PDGFD: variants seen among roughly 807,000 people sequenced by gnomAD.
The protein encoded by PDGFD is platelet-derived growth factor D.
A neutral mutation model predicts 44.7 loss-of-function variants in PDGFD; 30 were observed. The ratio of observed to expected loss-of-function variants is 0.67; its 90% CI spans 0.50 to 0.91. PDGFD has a LOEUF of 0.91. Ranked by LOEUF, PDGFD falls within the 40% of genes least tolerant of loss-of-function variation. The pLI is 0.00. For synonymous variants in PDGFD, 173 were observed against 168.4 expected, an observed-to-expected ratio of 1.03 and a Z score of -0.21; for missense variants, 445 against 457.8, an observed-to-expected ratio of 0.97 and a Z score of 0.25.
At chr11:104,025,662 T>C (rs1341396025) in intron 1 of PDGFD, among the ~76,000 whole-genome samples, 3 of 151,996 alleles carry the variant, frequency 2.0e-5, no homozygotes, top group South Asian at 4.2e-4. Context: ...CCTAAGCAAA[T>C]CTCCCAAGGG....
intron 1 of PDGFD, among the ~76,000 whole-genome samples, chr11:104,030,314 A>T (rs570813558): frequency 6.6e-6 from 1 of 152,360 alleles, no homozygotes; most frequent in South Asian, 2.1e-4. Context: ...CCTGACGCAG[A>T]CAACATCCAC....
At chr11:104,153,620 CAAA>C (rs1262995793) in intron 1 of PDGFD, among the ~76,000 whole-genome samples, 1 of 151,856 alleles carries the variant, frequency 6.6e-6, no homozygotes, top group Non-Finnish European at 1.5e-5. Context: ...TCTGGAAGAA[CAAA>C]AACAAAAAGG....
intron 1 of PDGFD, among the ~76,000 whole-genome samples, chr11:104,042,620 C>G (rs1238683864): frequency 6.6e-6 from 1 of 152,202 alleles, no homozygotes; most frequent in South Asian, 2.1e-4. Context: ...TGTTAAAGTC[C>G]CTAGGAGGCA....
chr11:103,916,433 A>C (rs146146245), intron 6 of PDGFD, among the ~76,000 whole-genome samples: 5 of 152,334 alleles, frequency 3.3e-5, no homozygotes, highest in Admixed American at 1.3e-4. Flanking sequence ...AAAAGTCAGG[A>C]AACAACAAAT....
At chr11:104,037,976 C>T in intron 1 of PDGFD, 1 of 1,614,000 alleles carries the variant, frequency 6.2e-7, no homozygotes, top group South Asian at 1.1e-5. Flanking sequence ...AAGGAAATTA[C>T]ACATTCAGTC....
chr11:104,024,390 T>C (rs1860009899), intron 1 of PDGFD, among the ~76,000 whole-genome samples: 1 of 152,190 alleles, frequency 6.6e-6, no homozygotes, highest in South Asian at 2.1e-4. Context: ...GTGAGTTGAC[T>C]GAACTGCATA....
intron 1 of PDGFD, among the ~76,000 whole-genome samples, chr11:104,020,613 T>A (rs1187258775): frequency 6.6e-6 from 1 of 152,148 alleles, no homozygotes; most frequent in Non-Finnish European, 1.5e-5. Context: ...ACTTTTCTAT[T>A]TAAGGCAATG....
At chr11:104,127,541 A>G (rs1031895807) in intron 1 of PDGFD, among the ~76,000 whole-genome samples, 37 of 152,172 alleles carry the variant, frequency 2.4e-4, no homozygotes, top group African/African-American at 8.2e-4. Flanking sequence ...TAAACTATCT[A>G]TGCAGAGGTA....
chr11:104,071,991 A>G (rs1860884921), intron 1 of PDGFD, among the ~76,000 whole-genome samples: 1 of 151,766 alleles, frequency 6.6e-6, no homozygotes, highest in Admixed American at 6.6e-5. Context: ...GAGGCTTTAT[A>G]ATATATTTTA....
At chr11:104,051,035 T>C (rs1860526739) in intron 1 of PDGFD, among the ~76,000 whole-genome samples, 1 of 152,030 alleles carries the variant, frequency 6.6e-6, no homozygotes, top group African/African-American at 2.4e-5. Flanking sequence ...GAGGTACTAA[T>C]GAGCAGCAAA....
chr11:104,034,972 T>C (rs1860199214), intron 1 of PDGFD, among the ~76,000 whole-genome samples: 1 of 151,928 alleles, frequency 6.6e-6, no homozygotes, highest in Non-Finnish European at 1.5e-5. Context: ...TAGAGAAAAA[T>C]AACTGGCATG....
Position 103,909,419 on chromosome 11 carries a change from C to T in PDGFD, c.*275G>A, listed in dbSNP as rs993773001. ...AAAAAAAACATTTGATCTATATACA[C>T]ATAGACATGAATATATTTCTGTGTG... On this transcript the variant is annotated 3_prime_UTR_variant, in exon 7 of 7. Coordinates refer to ENST00000393158, the MANE Select transcript of PDGFD (RefSeq NM_025208.5). The T allele has an allele frequency of 2.2e-5, 8 of 360,570 alleles. No homozygotes were observed. In the Admixed American group the frequency reaches 2.7e-4, roughly 12 times the overall value. The allele number at this position is 360,570 out of a possible 1,614,324, so 22.3% of individuals were successfully genotyped here.
chr11:104,146,088 C>T (rs1169940900), intron 1 of PDGFD, among the ~76,000 whole-genome samples: 1 of 152,142 alleles, frequency 6.6e-6, no homozygotes, highest in African/African-American at 2.4e-5. Context: ...GCAGCCCAAG[C>T]AAACTAATAA....
chr11:104,121,242 A>G (rs1861774110), intron 1 of PDGFD, among the ~76,000 whole-genome samples: 1 of 152,082 alleles, frequency 6.6e-6, no homozygotes, highest in African/African-American at 2.4e-5. Flanking sequence ...TCAGACACCT[A>G]TAATGTCCTT....
At chr11:104,162,484 C>T (rs545350878) in intron 1 of PDGFD, among the ~76,000 whole-genome samples, 103 of 152,102 alleles carry the variant, frequency 6.8e-4, no homozygotes, top group Non-Finnish European at 1.3e-3. Flanking sequence ...AAATAAATTA[C>T]GTGCTTTTAA....
chr11:103,976,066 A>T (rs1347195278), intron 3 of PDGFD, among the ~76,000 whole-genome samples: 1 of 152,146 alleles, frequency 6.6e-6, no homozygotes, highest in Non-Finnish European at 1.5e-5. Flanking sequence ...AATAGCATTG[A>T]AGTTATAAAT....
intron 3 of PDGFD, among the ~76,000 whole-genome samples, chr11:103,983,519 C>A (rs964902351): frequency 6.6e-6 from 1 of 151,450 alleles, no homozygotes; most frequent in African/African-American, 2.5e-5. Flanking sequence ...GCAAAGATTT[C>A]ATGATAAATA....
intron 1 of PDGFD, among the ~76,000 whole-genome samples, chr11:104,132,050 T>A (rs1861931387): frequency 6.6e-6 from 1 of 151,494 alleles, no homozygotes; most frequent in African/African-American, 2.4e-5. Context: ...TTACGTACCT[T>A]CTGACATGGT....
intron 1 of PDGFD, among the ~76,000 whole-genome samples, chr11:104,119,113 T>TAC (rs1861703476): frequency 2.8e-5 from 2 of 71,970 alleles, no homozygotes; most frequent in African/African-American, 5.7e-5. Context: ...AATATATTAA[T>TAC]ATAATATATT....
Sources: gnomAD v4.1 joint callset for allele counts (sites outside exome capture counted in the v4.1 genomes callset) on GRCh38, gnomAD v4.1.1 for gene constraint, MANE v1.5 for transcripts, NCBI Gene and HGNC (gene_info 2026-07-23, HGNC 2026-07-21) for gene names.